Variants in PCDHGA3 observed in about 807,000 individuals in gnomAD.
PCDHGA3 encodes protocadherin gamma subfamily A, 3.
Under a neutral mutation model 58.5 loss-of-function variants are expected in PCDHGA3, and 40 were observed. That is an observed-to-expected ratio of 0.68 (90% CI 0.53 to 0.89). The LOEUF (loss-of-function observed/expected upper bound fraction) is 0.89, where lower values mean the gene tolerates loss of function less well. Among genes scored for constraint, PCDHGA3 ranks in the 40% least tolerant of loss-of-function variants. The pLI is 0.00. For synonymous variants in PCDHGA3, 530 were observed against 525.7 expected (o/e 1.01, Z -0.11); for missense variants, 1,223 against 1,195.9 (o/e 1.02, Z -0.33).
In PCDHGA3 at chr5:141,407,217, G is replaced by C. The variant is rs181833770; in HGVS notation, c.2424+60760G>C. 5.8e-3 allele frequency among the ~76,000 whole-genome samples: 885 copies of C among 151,964 alleles called. 4 individuals carry two copies. Among genetic ancestry groups the C allele is most frequent in the Non-Finnish European group, 9.1e-3 (620 of 67,966 alleles). ...TCAAACACGTTTTCCCCCTTAAGTG[G>C]GTAGCAAAAAAAATAAAGCATACTT... On this transcript the variant is annotated intron_variant, in intron 1 of 3. Transcript: ENST00000253812.
chr5:141,475,903 G>C, intron 1 of PCDHGA3: 5 of 576,064 alleles, frequency 8.7e-6, no homozygotes, highest in Non-Finnish European at 1.5e-5. Context: ...TGCCGCTGTC[G>C]GCCAATGAAG....
intron 1 of PCDHGA3, chr5:141,398,655 A>G (rs760602313): frequency 3.1e-6 from 5 of 1,614,034 alleles, no homozygotes; most frequent in Non-Finnish European, 4.2e-6. Context: ...CTCTTAACCC[A>G]AGTTTCTCAT....
chr5:141,430,234 A>G (rs2097268213), intron 1 of PCDHGA3, among the ~76,000 whole-genome samples: 1 of 130,034 alleles, frequency 7.7e-6, no homozygotes, highest in South Asian at 2.4e-4. Flanking sequence ...TGTCAAAAAG[A>G]GAAACTCCTA....
intron 1 of PCDHGA3, chr5:141,383,716 G>A (rs1012308132): frequency 6.2e-7 from 1 of 1,614,012 alleles, no homozygotes; most frequent in Non-Finnish European, 8.5e-7. Context: ...GGACGAGGGA[G>A]TCAATGGGGA....
intron 1 of PCDHGA3, among the ~76,000 whole-genome samples, chr5:141,449,042 A>G (rs1211970675): frequency 6.6e-6 from 1 of 152,186 alleles, no homozygotes; most frequent in Non-Finnish European, 1.5e-5. Context: ...ATTATTAACC[A>G]GTCTCATAAA....
rs537196945 is a variant in PCDHGA3 at position 141,470,749 on chromosome 5, G to A, written c.2425-24058G>A. 3.9e-5 allele frequency among the ~76,000 whole-genome samples: 6 copies of A among 152,260 alleles called. No individual in the cohort carries two copies. The East Asian group carries it at 7.7e-4, about 20-fold the overall frequency. On this transcript the variant is annotated intron_variant, in intron 1 of 3. Coordinates refer to ENST00000253812, the MANE Select transcript of PCDHGA3 (RefSeq NM_018916.4). ...GTCTTGCTCTGTCGCCCTGGCTGGAGTGCAGTGGACTCACTACAGTCTTGA... is the reference window on the plus strand; with the variant it reads ...GTCTTGCTCTGTCGCCCTGGCTGGAATGCAGTGGACTCACTACAGTCTTGA...
At chr5:141,380,342 T>C (rs1288076589) in intron 1 of PCDHGA3, among the ~76,000 whole-genome samples, 1 of 152,198 alleles carries the variant, frequency 6.6e-6, no homozygotes, top group Admixed American at 6.5e-5. Context: ...CAAAGAACTG[T>C]TTTGTTGTTT....
At chr5:141,421,512 G>A in intron 1 of PCDHGA3, 1 of 1,614,094 alleles carries the variant, frequency 6.2e-7, no homozygotes, top group Non-Finnish European at 8.5e-7. Flanking sequence ...ACCGGGAGGA[G>A]CTCTGTGAGA....
rs550977374 is a variant in PCDHGA3, at chr5:141,447,118, G to A, written c.2425-47689G>A. 9.2e-5 allele frequency among the ~76,000 whole-genome samples: 14 copies of A among 151,984 alleles called. No individual in the cohort carries two copies. The East Asian group carries it at 2.7e-3, about 29-fold the overall frequency. ...TTCACATGATTATATGTGCTCCATGGATTTTTTTGTTTGTTTGTTTTTTGT... is the reference window on the plus strand; with the variant it reads ...TTCACATGATTATATGTGCTCCATGAATTTTTTTGTTTGTTTGTTTTTTGT... On this transcript the variant is annotated intron_variant, in intron 1 of 3. Transcript: ENST00000253812.
rs1205353926 is a variant in PCDHGA3 at position 141,477,969 on chromosome 5, T to A, written c.2425-16838T>A. 6.2e-7 allele frequency: 1 copy of A among 1,613,962 alleles called. No homozygotes were observed. Among genetic ancestry groups the A allele is most frequent in the Non-Finnish European group, 8.5e-7 (1 of 1,180,032 alleles). ...CTCTTGGGATCCCCTAACCAGAGCC[T>A]TTTTGCCATAGGGCTGCACACTGGT... On this transcript the variant is annotated intron_variant, in intron 1 of 3. Coordinates refer to ENST00000253812, the MANE Select transcript of PCDHGA3 (RefSeq NM_018916.4). The surrounding 1 kb of genome is among the most constrained non-coding windows in gnomAD (Gnocchi z 4.9).
chr5:141,502,282 C>A (rs187281689), intron 2 of PCDHGA3, among the ~76,000 whole-genome samples: 1 of 151,848 alleles, frequency 6.6e-6, no homozygotes, highest in Non-Finnish European at 1.5e-5. Flanking sequence ...GCATAGATTG[C>A]ATTTGGTTGT....
rs762687404 is a variant in PCDHGA3 at position 141,486,468 on chromosome 5, A to G, written c.2425-8339A>G. Reference sequence around the variant, plus strand: ...ATGGTCACTGCTTCTGATGCTGGGAACCCTCCTCTCAGTACCCACAGAACT... The same window carrying G: ...ATGGTCACTGCTTCTGATGCTGGGAGCCCTCCTCTCAGTACCCACAGAACT... On this transcript the variant is annotated intron_variant, in intron 1 of 3. Transcript: ENST00000253812. This position sits in a 1 kb window ranked among gnomAD's most constrained non-coding sequence, Gnocchi z 5.0. The G allele has an allele frequency of 1.2e-6, 2 of 1,612,906 alleles. No individual in the cohort carries two copies. Among genetic ancestry groups the G allele is most frequent in the Middle Eastern group, 1.6e-4 (1 of 6,062 alleles).
chr5:141,427,046 C>A (rs916723344), intron 1 of PCDHGA3: 6 of 457,244 alleles, frequency 1.3e-5, no homozygotes, highest in African/African-American at 2.0e-5. Flanking sequence ...AGAATGTGCC[C>A]CCAGGCACCT....
chr5:141,410,140 G>GCGTGA, intron 1 of PCDHGA3: 1 of 1,612,782 alleles, frequency 6.2e-7, no homozygotes, highest in Non-Finnish European at 8.5e-7. Flanking sequence ...TGGTCGCTGT[G>GCGTGA]CGTGACGGTG....
intron 1 of PCDHGA3, chr5:141,376,319 G>C: frequency 3.7e-6 from 6 of 1,614,220 alleles, no homozygotes; most frequent in Non-Finnish European, 4.2e-6. Context: ...CGTGGAAGGG[G>C]TTCGGGCTTT....
intron 1 of PCDHGA3, among the ~76,000 whole-genome samples, chr5:141,450,682 T>C (rs112841569): frequency 0.042 from 6,384 of 151,996 alleles, 168 homozygotes; most frequent in Middle Eastern, 0.086. Context: ...AAACGGGGTT[T>C]TGCCATGTTG....
chr5:141,348,823 A>G (rs564029612), intron 1 of PCDHGA3, among the ~76,000 whole-genome samples: 20 of 152,344 alleles, frequency 1.3e-4, no homozygotes, highest in African/African-American at 4.1e-4. Context: ...GCTGTTTCGA[A>G]TAGAGTATGA....
At chr5:141,405,004 G>A in intron 1 of PCDHGA3, 1 of 1,613,960 alleles carries the variant, frequency 6.2e-7, no homozygotes, top group South Asian at 1.1e-5. Flanking sequence ...CTGCAGACCT[G>A]GAGGCCTCAG....
Position 141,392,774 on chromosome 5 carries a change from C to A in PCDHGA3, c.2424+46317C>A, listed in dbSNP as rs752798314. The A allele has an allele frequency of 2.0e-6, 3 of 1,520,452 alleles. No homozygotes were observed. The South Asian group carries it at 3.9e-5, about 20-fold the overall frequency. The allele number at this position is 1,520,452 out of a possible 1,614,324, so 94.2% of individuals were successfully genotyped here. A position where few individuals can be genotyped will look rare whatever the true frequency, so the allele number is the denominator to read the frequency against. On this transcript the variant is annotated intron_variant, in intron 1 of 3. Coordinates refer to ENST00000253812, the MANE Select transcript of PCDHGA3 (RefSeq NM_018916.4). ...AGAAACTAAATAAGACCCATTTATG[C>A]ACAGTGAAGATTCTGAGAGGATTCT...
Sources: gnomAD v4.1 joint callset for allele counts (sites outside exome capture counted in the v4.1 genomes callset) on GRCh38, gnomAD v4.1.1 for gene constraint, Gnocchi (gnomAD v3.1) non-coding constraint, MANE v1.5 for transcripts, NCBI Gene and HGNC (gene_info 2026-07-23, HGNC 2026-07-21) for gene names.